Variants in CSMD3 observed in about 807,000 individuals in gnomAD.
CSMD3 encodes CUB and Sushi multiple domains 3.
Under a neutral mutation model 435.2 loss-of-function variants are expected in CSMD3, and 177 were observed. The ratio of observed to expected loss-of-function variants is 0.41; its 90% CI spans 0.36 to 0.46. CSMD3 has a LOEUF of 0.46. Ranked by LOEUF, CSMD3 falls within the 20% of genes least tolerant of loss-of-function variation. The pLI, the probability that CSMD3 is intolerant of heterozygous loss-of-function variation, is 0.34. For missense variants in CSMD3, 4,265 were observed against 4,504.6 expected, an observed-to-expected ratio of 0.95 and a Z score of 1.52; for synonymous variants, 1,656 against 1,520.5, an observed-to-expected ratio of 1.09 and a Z score of -2.07.
chr8:112,737,819 C>T (rs916550585), intron 13 of CSMD3, among the ~76,000 whole-genome samples: 11 of 151,704 alleles, frequency 7.3e-5, no homozygotes, highest in African/African-American at 2.4e-4. Flanking sequence ...TATACAATTC[C>T]GAAATGTAAC....
chr8:112,859,413 T>C, intron 10 of CSMD3, 147 bp from the exon 11 acceptor site: 1 of 722,792 alleles, frequency 1.4e-6, no homozygotes, highest in Non-Finnish European at 2.4e-6. Context: ...ATGTCACTTA[T>C]CAAAATACAG....
chr8:112,870,876 GAGTA>G (rs146093932), intron 10 of CSMD3, among the ~76,000 whole-genome samples: 6,723 of 152,092 alleles, frequency 0.044, 168 homozygotes, highest in African/African-American at 0.055. Context: ...GATGCAATGG[GAGTA>G]AGTAATAGAT....
At chr8:112,676,411 T>C (rs943659905) in intron 16 of CSMD3, among the ~76,000 whole-genome samples, 5 of 152,116 alleles carry the variant, frequency 3.3e-5, no homozygotes, top group African/African-American at 9.7e-5. Context: ...CTGAGTAGCA[T>C]ATTTAATAAA....
At chr8:112,967,858 T>A in intron 7 of CSMD3, among the ~76,000 whole-genome samples, 1 of 143,614 alleles carries the variant, frequency 7.0e-6, no homozygotes, top group African/African-American at 2.6e-5. Flanking sequence ...GAAAAGAAGA[T>A]GGAACAGAAA....
chr8:112,257,792 A>G (rs1815951107), intron 61 of CSMD3, among the ~76,000 whole-genome samples: 1 of 152,126 alleles, frequency 6.6e-6, no homozygotes, highest in South Asian at 2.1e-4. Context: ...TTAAACTTCA[A>G]ATGAAATTAG....
intron 52 of CSMD3, among the ~76,000 whole-genome samples, chr8:112,303,421 G>A (rs966419408): frequency 9.9e-5 from 15 of 152,110 alleles, no homozygotes; most frequent in Non-Finnish European, 1.6e-4. Flanking sequence ...TTAGCCAGGC[G>A]TGGTGGCAGG....
chr8:113,259,896 T>C (rs1272076988), intron 3 of CSMD3, among the ~76,000 whole-genome samples: 2 of 152,022 alleles, frequency 1.3e-5, no homozygotes, highest in African/African-American at 4.8e-5. Context: ...ATAATCCCCA[T>C]GTGTGGTGGT....
Position 112,241,791 on chromosome 8 carries a change from A to G in CSMD3, c.10403-6T>C. On this transcript the variant is annotated splice_region_variant and splice_polypyrimidine_tract_variant and intron_variant, in intron 65 of 70. Transcript: ENST00000297405. The stretch of plus-strand genomic sequence containing the variant: ...CACCAATATTTTAGAACCAGCTATG[A>G]AAAGAAATAAAGGTGTTTACAAAAG... 1 of 1,606,584 alleles carries G rather than the reference A, an allele frequency of 6.2e-7. No individual in the cohort carries two copies.
intron 2 of CSMD3, among the ~76,000 whole-genome samples, chr8:113,303,154 A>G (rs1214693446): frequency 6.8e-6 from 1 of 147,748 alleles, no homozygotes; most frequent in Non-Finnish European, 1.5e-5. Flanking sequence ...GTGAACTCCC[A>G]TCCACAATTG....
chr8:112,955,591 A>AT (rs2083985966), intron 7 of CSMD3, among the ~76,000 whole-genome samples: 1 of 151,804 alleles, frequency 6.6e-6, no homozygotes. Context: ...TGTGCTATCA[A>AT]ATGCTAGAAC....
chr8:113,143,900 G>A (rs906972657), intron 4 of CSMD3, among the ~76,000 whole-genome samples: 2 of 151,128 alleles, frequency 1.3e-5, no homozygotes, highest in Non-Finnish European at 3.0e-5. Flanking sequence ...ATCCTGGATG[G>A]GATATTGTAC....
intron 59 of CSMD3, among the ~76,000 whole-genome samples, chr8:112,266,352 A>C (rs1234925092): frequency 6.6e-6 from 1 of 152,192 alleles, no homozygotes; most frequent in Non-Finnish European, 1.5e-5. Context: ...TGGGGAGGCC[A>C]TGCAGGGCCA....
Position 112,292,681 on chromosome 8 carries a change from T to A in CSMD3, c.8644A>T (p.Ile2882Phe), listed in dbSNP as rs2130690621. The A allele has an allele frequency of 1.2e-6, 2 of 1,613,816 alleles. No homozygotes were observed. The highest frequency in any genetic ancestry group is 1.7e-6 in the Non-Finnish European group (2 of 1,179,796). Residue 2882 changes from isoleucine (I) to phenylalanine (F), a missense_variant, in exon 55 of 71, where the codon ATT (isoleucine) becomes TTT (phenylalanine). Around this residue, in one of 3 missense-constraint regions of CSMD3, gnomAD observed 3,255 missense variants for 3,380.2 expected, o/e 0.96. Coordinates refer to ENST00000297405, the MANE Select transcript of CSMD3 (RefSeq NM_198123.2). ...PVSCGHPGSPIYGRTSGNGFN... is the reference protein window; with the variant it reads ...PVSCGHPGSPFYGRTSGNGFN... ...CCATTTCCACTTGTTCTTCCATAAA[T>A]TGGACTACCAGGGTGACCACAGCTA... is the stretch of plus-strand genomic sequence containing the variant.
intron 16 of CSMD3, 26 bp from the exon 17 acceptor site, chr8:112,666,441 G>C (rs779831580): frequency 1.4e-5 from 22 of 1,604,068 alleles, no homozygotes; most frequent in Non-Finnish European, 1.8e-5. Flanking sequence ...AGACAAGTAA[G>C]AATAAAACAT....
intron 24 of CSMD3, among the ~76,000 whole-genome samples, chr8:112,568,986 A>G (rs961654876): frequency 9.2e-5 from 14 of 152,144 alleles, no homozygotes; most frequent in African/African-American, 2.7e-4. Context: ...TGATGGTCTA[A>G]AGTTAAACCA....
intron 32 of CSMD3, among the ~76,000 whole-genome samples, chr8:112,415,349 C>A (rs139229848): frequency 1.3e-5 from 2 of 152,196 alleles, no homozygotes; most frequent in Non-Finnish European, 1.5e-5. Context: ...AGCTTTCACA[C>A]GGTGTTGAGC....
chr8:112,976,285 GA>G, intron 6 of CSMD3, 137 bp from the exon 7 acceptor site: 1 of 991,798 alleles, frequency 1.0e-6, no homozygotes, highest in South Asian at 1.5e-5. Context: ...ACAAACACGC[GA>G]GTAAATTGTG....
chr8:113,394,174 A>C (rs62521133), intron 1 of CSMD3, among the ~76,000 whole-genome samples: 2,316 of 128,796 alleles, frequency 0.018, 23 homozygotes, highest in Non-Finnish European at 0.025. Flanking sequence ...ACACACACAC[A>C]CACACACACA....
chr8:112,504,257 T>G (rs1822285723), intron 29 of CSMD3, among the ~76,000 whole-genome samples: 1 of 152,168 alleles, frequency 6.6e-6, no homozygotes, highest in African/African-American at 2.4e-5. Context: ...GACAAAGAGT[T>G]TAGTTGATGA....
Sources: allele counts gnomAD v4.1 joint callset (sites outside exome capture counted in the v4.1 genomes callset), GRCh38; gene constraint gnomAD v4.1.1; regional missense constraint gnomAD v4.1.1; transcripts MANE v1.5; gene names NCBI Gene and HGNC (gene_info 2026-07-23, HGNC 2026-07-21).